CCDC171: variants seen among roughly 807,000 people sequenced by gnomAD.
CCDC171 encodes coiled-coil domain containing 171.
A neutral mutation model predicts 168.2 loss-of-function variants in CCDC171; 177 were observed. The observed-to-expected ratio is 1.05, with a 90% CI of 0.93 to 1.19. CCDC171 has a LOEUF of 1.19. Among genes scored for constraint, CCDC171 ranks in the 50% most tolerant of loss-of-function variants. The probability of loss-of-function intolerance (pLI) is 0.00; values close to 1 mark genes in which losing one functional copy is unlikely to be tolerated. For synonymous variants in CCDC171, 687 were observed against 540.8 expected (o/e 1.27, Z -3.75); for missense variants, 1,991 against 1,539.0 (o/e 1.29, Z -4.91).
At chr9:16,081,337 A>T in the CCDC171 span, among the ~76,000 whole-genome samples, 1 of 152,158 alleles carries the variant, frequency 6.6e-6, no homozygotes, top group Admixed American at 6.5e-5. Flanking sequence ...CATCTCCCTT[A>T]CTGGTCAGGG....
intron 24 of CCDC171, among the ~76,000 whole-genome samples, chr9:15,881,576 T>G (rs1464116698): frequency 2.0e-5 from 3 of 152,220 alleles, no homozygotes; most frequent in Non-Finnish European, 4.4e-5. Context: ...TTATTATTTC[T>G]ATCACACCAT....
chr9:15,993,383 A>C (rs12000726), intron 3 of CCDC171, among the ~76,000 whole-genome samples: 11,866 of 152,048 alleles, frequency 0.078, 1,477 homozygotes, highest in African/African-American at 0.27. Flanking sequence ...GGAAAACTGG[A>C]TAGCCATATG....
chr9:15,674,324 T>A (rs756851401), intron 9 of CCDC171, among the ~76,000 whole-genome samples: 5 of 152,204 alleles, frequency 3.3e-5, no homozygotes, highest in Non-Finnish European at 5.9e-5. Flanking sequence ...CCTGGATTCA[T>A]TGACTTTTTG....
chr9:15,717,244 A>G (rs1356014213), intron 11 of CCDC171, among the ~76,000 whole-genome samples: 1 of 152,176 alleles, frequency 6.6e-6, no homozygotes, highest in Non-Finnish European at 1.5e-5. Flanking sequence ...CACAGTGGAA[A>G]GCAACACTGA....
chr9:15,850,788 A>G (rs2061091635), intron 23 of CCDC171, among the ~76,000 whole-genome samples: 1 of 151,864 alleles, frequency 6.6e-6, no homozygotes, highest in Admixed American at 6.6e-5. Flanking sequence ...GCCACCTTGG[A>G]CTTCCCATTG....
chr9:15,661,722 TAA>T, intron 8 of CCDC171, among the ~76,000 whole-genome samples: 2 of 152,326 alleles, frequency 1.3e-5, no homozygotes, highest in South Asian at 4.1e-4. Context: ...AAAGCAGACT[TAA>T]AAGAGTTGAC....
chr9:15,950,534 G>A (rs1376048969), intron 25 of CCDC171, among the ~76,000 whole-genome samples: 3 of 151,994 alleles, frequency 2.0e-5, no homozygotes, highest in African/African-American at 7.2e-5. Flanking sequence ...AGCTTCATAA[G>A]TGAAGGAGAA....
intron 13 of CCDC171, among the ~76,000 whole-genome samples, chr9:15,724,514 G>A (rs369764472): frequency 6.6e-6 from 1 of 152,092 alleles, no homozygotes; most frequent in South Asian, 2.1e-4. Flanking sequence ...AAACTCCCTT[G>A]GAAGAACTTT....
intron 1 of CCDC171, among the ~76,000 whole-genome samples, chr9:16,057,844 T>C (rs1383985706): frequency 1.3e-5 from 2 of 152,154 alleles, no homozygotes; most frequent in African/African-American, 4.8e-5. Flanking sequence ...TCAGAGAGAT[T>C]GGCTGCAGGT....
intron 11 of CCDC171, among the ~76,000 whole-genome samples, chr9:15,720,553 G>A (rs576781041): frequency 1.2e-4 from 19 of 152,024 alleles, no homozygotes; most frequent in South Asian, 4.2e-4. Flanking sequence ...CGTGTATATT[G>A]AAATATTTAT....
Position 15,741,846 on chromosome 9 carries a change from C to T in CCDC171, c.2050-2427C>T, listed in dbSNP as rs567765695. 4.6e-5 allele frequency among the ~76,000 whole-genome samples: 7 copies of T among 152,222 alleles called. No homozygotes were observed. The East Asian group carries it at 1.4e-3, about 29-fold the overall frequency. ...GGAGATAGTGGGTGTTCTTGCATTG[C>T]TCCGGAACTTGGTAAAAAATGCTTT... On this transcript the variant is annotated intron_variant, in intron 16 of 25. Coordinates refer to ENST00000380701, the MANE Select transcript of CCDC171 (RefSeq NM_173550.4).
rs780828683 is a variant in CCDC171 at position 15,846,690 on chromosome 9, G to C, written c.3268-12G>C. 3.7e-6 allele frequency: 6 copies of C among 1,611,870 alleles called. No individual in the cohort carries two copies. The highest frequency in any genetic ancestry group is 1.1e-5 in the South Asian group (1 of 90,890). The stretch of plus-strand genomic sequence containing the variant: ...GGGCTGACAAGTAACTCTGTTTTCT[G>C]TCTGCTTGCAGAGTCTCTCCGAGGC... On this transcript the variant is annotated splice_polypyrimidine_tract_variant and intron_variant, in intron 21 of 25. Transcript: ENST00000380701.
chr9:15,677,032 G>T (rs550202545), intron 9 of CCDC171, among the ~76,000 whole-genome samples: 2 of 152,156 alleles, frequency 1.3e-5, no homozygotes, highest in African/African-American at 2.4e-5. Context: ...ATTTCATGAT[G>T]ATGGGCCTCA....
the CCDC171 span, among the ~76,000 whole-genome samples, chr9:16,072,264 C>T: frequency 1.3e-5 from 2 of 152,182 alleles, no homozygotes; most frequent in Non-Finnish European, 2.9e-5. Flanking sequence ...GAAGCACTAG[C>T]ATGTTGAGAT....
intron 6 of CCDC171, among the ~76,000 whole-genome samples, chr9:15,622,241 T>G (rs1449948546): frequency 1.3e-5 from 2 of 152,154 alleles, no homozygotes; most frequent in African/African-American, 4.8e-5. Flanking sequence ...GACATGAGTT[T>G]ACCTATATAA....
chr9:15,879,436 G>A (rs934350552), intron 24 of CCDC171, among the ~76,000 whole-genome samples: 1 of 151,280 alleles, frequency 6.6e-6, no homozygotes, highest in Non-Finnish European at 1.5e-5. Context: ...CTTTATGTTG[G>A]GCATATTACA....
At chr9:15,959,633 T>A (rs987321423) in intron 25 of CCDC171, among the ~76,000 whole-genome samples, 2 of 152,094 alleles carry the variant, frequency 1.3e-5, no homozygotes, top group Non-Finnish European at 2.9e-5. Flanking sequence ...TTCAAACAAG[T>A]CTAGGCCTTT....
intron 21 of CCDC171, among the ~76,000 whole-genome samples, chr9:15,803,801 A>G (rs182835548): frequency 3.6e-4 from 55 of 152,138 alleles, no homozygotes; most frequent in African/African-American, 1.1e-3. Context: ...TTTTCTGTGA[A>G]GAATGTCAAC....
intron 21 of CCDC171, among the ~76,000 whole-genome samples, chr9:15,836,602 C>T (rs1003027641): frequency 4.6e-5 from 7 of 152,180 alleles, no homozygotes; most frequent in African/African-American, 7.2e-5. Context: ...CCGCCTGCCT[C>T]GGCCTCCCAA....
Sources: allele counts gnomAD v4.1 joint callset (sites outside exome capture counted in the v4.1 genomes callset), GRCh38; gene constraint gnomAD v4.1.1; transcripts MANE v1.5; gene names NCBI Gene and HGNC (gene_info 2026-07-23, HGNC 2026-07-21).